The following PEX5L variants were observed in gnomAD, a reference collection of about 807,000 sequenced individuals.
PEX5L encodes PEX5-related protein.
A neutral mutation model predicts 84.0 loss-of-function variants in PEX5L; 30 were observed. The observed-to-expected ratio is 0.36, with a 90% CI of 0.27 to 0.48. The LOEUF (loss-of-function observed/expected upper bound fraction) is 0.48, where lower values mean the gene tolerates loss of function less well. Among genes scored for constraint, PEX5L ranks in the 20% least tolerant of loss-of-function variants. The pLI is 0.99. For missense variants in PEX5L, 533 were observed against 754.6 expected (o/e 0.71, Z 3.44); for synonymous variants, 270 against 283.1 (o/e 0.95, Z 0.46).
intron 2 of PEX5L, among the ~76,000 whole-genome samples, chr3:179,944,244 T>A (rs1484693446): frequency 6.6e-6 from 1 of 152,212 alleles, no homozygotes; most frequent in Non-Finnish European, 1.5e-5. Flanking sequence ...AGCAGACTGC[T>A]ACTTTCAGAG....
At chr3:179,870,993 T>A (rs1182146350) in intron 7 of PEX5L, among the ~76,000 whole-genome samples, 1 of 152,180 alleles carries the variant, frequency 6.6e-6, no homozygotes, top group Non-Finnish European at 1.5e-5. Context: ...TTAAAGGAAT[T>A]TTGTAAATGG....
intron 8 of PEX5L, among the ~76,000 whole-genome samples, chr3:179,823,580 GA>G (rs1234625312): frequency 1.3e-5 from 2 of 152,024 alleles, no homozygotes; most frequent in African/African-American, 4.8e-5. Flanking sequence ...TATTTTGGTG[GA>G]AAAGTAAGAT....
At chr3:179,883,206 T>C (rs994958876) in intron 4 of PEX5L, among the ~76,000 whole-genome samples, 1 of 152,096 alleles carries the variant, frequency 6.6e-6, no homozygotes, top group East Asian at 1.9e-4. Flanking sequence ...TGTAATCTTA[T>C]TGTCACATAT....
At position 179,864,830 on chromosome 3, in the gene PEX5L, A is replaced by G. The variant is rs147348768; in HGVS notation, c.727-5673T>C. On this transcript the variant is annotated intron_variant, in intron 7 of 14. Coordinates refer to ENST00000467460, the MANE Select transcript of PEX5L (RefSeq NM_016559.3). ...TAATTTGTCAGTAAAAAACGAATTA[A>G]TAAAAAAGGAAAAATCTTTGTGCAT... Among the ~76,000 whole-genome samples the G allele has an allele frequency of 5.2e-3, 791 of 152,302 alleles. 7 individuals carry two copies. The highest frequency in any genetic ancestry group is 0.018 in the African/African-American group (743 of 41,578).
intron 2 of PEX5L, among the ~76,000 whole-genome samples, chr3:179,944,938 G>A (rs865996563): frequency 1.3e-5 from 2 of 152,168 alleles, no homozygotes; most frequent in African/African-American, 4.8e-5. Flanking sequence ...CTCTGTGTCC[G>A]CTTCACAAGG....
chr3:179,825,779 C>G (rs1730258659), intron 8 of PEX5L, among the ~76,000 whole-genome samples: 1 of 152,206 alleles, frequency 6.6e-6, no homozygotes, highest in South Asian at 2.1e-4. Context: ...TGTAAAAAAT[C>G]TCTTAAGAGT....
chr3:179,840,177 G>T lies in PEX5L; in HGVS notation c.822+18885C>A, dbSNP rs1283171182. On this transcript the variant is annotated intron_variant, in intron 8 of 14. Transcript: ENST00000467460. Reference sequence around the variant, plus strand: ...AGTTGTTTTTTGTGTGTGTGTGTGTGTGTGTGTTTTTTTTTTTTTTTTTTT... The same window carrying T: ...AGTTGTTTTTTGTGTGTGTGTGTGTTTGTGTGTTTTTTTTTTTTTTTTTTT... Among the ~76,000 whole-genome samples, 140 of 107,842 alleles carry T rather than the reference G, an allele frequency of 1.3e-3. 2 individuals carry two copies. Among genetic ancestry groups the T allele is most frequent in the African/African-American group, 5.2e-3 (135 of 26,070 alleles). The allele number at this position is 107,842 out of a possible 152,430, so 70.7% of individuals were successfully genotyped here.
At chr3:179,891,593 T>C (rs899912259) in intron 3 of PEX5L, among the ~76,000 whole-genome samples, 4 of 152,180 alleles carry the variant, frequency 2.6e-5, no homozygotes, top group African/African-American at 9.7e-5. Context: ...AGAATGTCTA[T>C]GTCTAAAAGG....
At chr3:179,952,615 T>C (rs1216216806) in intron 2 of PEX5L, among the ~76,000 whole-genome samples, 2 of 152,094 alleles carry the variant, frequency 1.3e-5, no homozygotes, top group African/African-American at 2.4e-5. Flanking sequence ...CATAAACAAA[T>C]AGAAAAACAT....
At chr3:179,860,476 A>G (rs1179141279) in intron 7 of PEX5L, among the ~76,000 whole-genome samples, 1 of 152,210 alleles carries the variant, frequency 6.6e-6, no homozygotes, top group East Asian at 1.9e-4. Flanking sequence ...CCAACCAATT[A>G]AATAAGAAAC....
At chr3:179,820,432 T>C (rs543565654) in intron 8 of PEX5L, 110 of 155,286 alleles carry the variant, frequency 7.1e-4, no homozygotes, top group Admixed American at 1.8e-3. Flanking sequence ...TGTCAAGCAC[T>C]GTGCCAGCAG....
At chr3:179,938,865 A>C (rs1000041308) in intron 2 of PEX5L, among the ~76,000 whole-genome samples, 5 of 152,186 alleles carry the variant, frequency 3.3e-5, no homozygotes, top group Admixed American at 2.6e-4. Flanking sequence ...GGATTGTCTT[A>C]AGCCATTAGA....
intron 8 of PEX5L, 85 bp from the exon 9 acceptor site, chr3:179,820,061 G>T: frequency 6.3e-7 from 1 of 1,583,596 alleles, no homozygotes; most frequent in Non-Finnish European, 8.6e-7. Flanking sequence ...ATAGATAAAA[G>T]AGGCTTCTGG....
In PEX5L at chr3:179,797,605, A is replaced by ATATATATAT. The variant is rs1171034649; in HGVS notation, c.*4222_*4223insATATATATA. ...AACACTCTTTAAAAAAAAAAAAAAA[A>ATATATATAT]ATATATATATATATATATATATATA... On this transcript the variant is annotated 3_prime_UTR_variant, in exon 15 of 15. Coordinates refer to ENST00000467460, the MANE Select transcript of PEX5L (RefSeq NM_016559.3). 3.4e-5 allele frequency: 3 copies of ATATATATAT among 89,174 alleles called. No individual in the cohort carries two copies. Among genetic ancestry groups the ATATATATAT allele is most frequent in the African/African-American group, 1.4e-4 (3 of 22,200 alleles). The allele number at this position is 89,174 out of a possible 1,614,324, so 5.5% of individuals were successfully genotyped here.
intron 2 of PEX5L, among the ~76,000 whole-genome samples, chr3:179,929,240 A>T (rs1311142068): frequency 6.6e-6 from 1 of 152,178 alleles, no homozygotes; most frequent in African/African-American, 2.4e-5. Flanking sequence ...CCTAGCTGAC[A>T]GCAGGGGGCA....
intron 1 of PEX5L, among the ~76,000 whole-genome samples, chr3:180,031,366 T>TG (rs1398298374): frequency 1.3e-5 from 2 of 151,906 alleles, no homozygotes; most frequent in Non-Finnish European, 2.9e-5. Context: ...GTGGATGAGG[T>TG]GGGGGGTAAG....
intron 8 of PEX5L, among the ~76,000 whole-genome samples, chr3:179,853,703 C>T (rs1036556426): frequency 3.3e-5 from 5 of 152,132 alleles, no homozygotes; most frequent in African/African-American, 1.2e-4. Flanking sequence ...GAGTATCTAT[C>T]TCTTTGTCCT....
chr3:179,973,416 C>T, intron 1 of PEX5L: 2 of 1,109,558 alleles, frequency 1.8e-6, no homozygotes, highest in Non-Finnish European at 1.1e-6. Flanking sequence ...TTGGCTAGCA[C>T]AAAAAACTCA....
intron 2 of PEX5L, among the ~76,000 whole-genome samples, chr3:179,960,073 T>G (rs1418614430): frequency 6.6e-6 from 1 of 152,152 alleles, no homozygotes; most frequent in African/African-American, 2.4e-5. Context: ...TCCCTTATAT[T>G]TGTAAAGCTG....
Sources: allele counts gnomAD v4.1 joint callset (sites outside exome capture counted in the v4.1 genomes callset), GRCh38; gene constraint gnomAD v4.1.1; transcripts MANE v1.5; gene names NCBI Gene and HGNC (gene_info 2026-07-23, HGNC 2026-07-21).